Variants in MARCHF1 observed in about 807,000 individuals in gnomAD.
MARCHF1 encodes the protein membrane associated ring-CH-type finger 1.
A neutral mutation model predicts 54.2 loss-of-function variants in MARCHF1; 40 were observed. The ratio of observed to expected loss-of-function variants is 0.74; its 90% confidence interval spans 0.57 to 0.96. The LOEUF is 0.96. MARCHF1 is among the 40% of genes least tolerant of loss of function. The probability of loss-of-function intolerance (pLI) is 0.00; values close to 1 mark genes in which losing one functional copy is unlikely to be tolerated. For missense variants in MARCHF1, 586 were observed against 656.5 expected, an observed-to-expected ratio of 0.89 and a Z score of 1.17; for synonymous variants, 236 against 236.3, an observed-to-expected ratio of 1.00 and a Z score of 0.01.
intron 1 of MARCHF1, among the ~76,000 whole-genome samples, chr4:164,224,849 G>A (rs1732207413): frequency 1.3e-5 from 2 of 151,966 alleles, no homozygotes; most frequent in Non-Finnish European, 2.9e-5. Context: ...TACAAAAAAA[G>A]GAGAAAGAGA....
chr4:163,808,364 A>G (rs1748285652), intron 4 of MARCHF1, among the ~76,000 whole-genome samples: 1 of 152,222 alleles, frequency 6.6e-6, no homozygotes. Context: ...AAAGTTCTGC[A>G]GCCTGAATTT....
chr4:163,745,677 G>A (rs1183553687), intron 4 of MARCHF1, among the ~76,000 whole-genome samples: 1 of 152,106 alleles, frequency 6.6e-6, no homozygotes, highest in Non-Finnish European at 1.5e-5. Flanking sequence ...CCAACAACAT[G>A]CCATGAGATA....
At chr4:164,144,887 G>A (rs1312494242) in intron 1 of MARCHF1, among the ~76,000 whole-genome samples, 1 of 121,352 alleles carries the variant, frequency 8.2e-6, no homozygotes, top group Non-Finnish European at 1.7e-5. Context: ...CCAGGAGCTG[G>A]TTTTTTGAAA....
At chr4:163,637,078 C>A (rs1742358785) in intron 5 of MARCHF1, among the ~76,000 whole-genome samples, 1 of 151,226 alleles carries the variant, frequency 6.6e-6, no homozygotes, top group East Asian at 1.9e-4. Context: ...TTCCTTACAC[C>A]TTATACAAAA....
In MARCHF1 at chr4:164,111,846, T is replaced by C. The variant is rs576491470; in HGVS notation, c.-322-184A>G. On this transcript the variant is annotated intron_variant, in intron 1 of 9. Transcript: ENST00000514618. ...AATATTCAGATCATGTGAAATAATT[T>C]ATATAAATTTCTGTATGGTTGCAAA... Among the ~76,000 whole-genome samples the C allele has an allele frequency of 2.3e-3, 357 of 151,930 alleles. 2 individuals are homozygous for C. The highest frequency in any genetic ancestry group is 8.1e-3 in the African/African-American group (338 of 41,554).
intron 2 of MARCHF1, among the ~76,000 whole-genome samples, chr4:164,070,548 T>C (rs781092862): frequency 6.6e-6 from 1 of 152,018 alleles, no homozygotes; most frequent in Non-Finnish European, 1.5e-5. Context: ...ATGGTCTACA[T>C]TCACACCAGC....
At chr4:164,179,313 A>C (rs1408820582) in intron 1 of MARCHF1, among the ~76,000 whole-genome samples, 1 of 152,202 alleles carries the variant, frequency 6.6e-6, no homozygotes, top group Non-Finnish European at 1.5e-5. Flanking sequence ...ATTATTAAAA[A>C]ATAATAGACA....
At chr4:164,235,438 C>T (rs927624528) in intron 1 of MARCHF1, among the ~76,000 whole-genome samples, 25 of 152,134 alleles carry the variant, frequency 1.6e-4, no homozygotes, top group African/African-American at 6.0e-4. Flanking sequence ...TCTGTAAGTG[C>T]TGAGGATTCA....
chr4:163,820,804 ACTC>A (rs1748671651), intron 4 of MARCHF1, among the ~76,000 whole-genome samples: 1 of 151,510 alleles, frequency 6.6e-6, no homozygotes, highest in Non-Finnish European at 1.5e-5. Flanking sequence ...CCTAAACACT[ACTC>A]CCATGAATTC....
chr4:164,110,274 G>C (rs961466227), intron 2 of MARCHF1, among the ~76,000 whole-genome samples: 2 of 151,596 alleles, frequency 1.3e-5, no homozygotes, highest in East Asian at 1.9e-4. Flanking sequence ...TAAATGGATA[G>C]AATTTGAAAC....
At position 163,528,765 on chromosome 4, in the gene MARCHF1, C is replaced by T; in HGVS notation, c.1621G>A (p.Glu541Lys). Residue 541 changes from glutamate (E) to lysine (K), a missense_variant, in exon 10 of 10, where the codon GAA becomes AAA. Glu to Lys is a moderately conservative substitution (Grantham distance 56). This residue lies in a region of MARCHF1 where 106 missense variants were observed against 93.8 expected (regional missense o/e 1.13). Coordinates refer to ENST00000514618, the MANE Select transcript of MARCHF1 (RefSeq NM_001394959.1). ...AGGTTCCATCAGACTGATACAACTT[C>T]AGGGGGGCCACCCTCTGCAGATGGC... ...SLPSAEGGPP[E>K]VVSV 1.2e-6 allele frequency: 2 copies of T among 1,610,972 alleles called. No individual in the cohort carries two copies. The highest frequency in any genetic ancestry group is 1.7e-6 in the Non-Finnish European group (2 of 1,178,056).
intron 4 of MARCHF1, among the ~76,000 whole-genome samples, chr4:163,748,406 C>CAAAAAAAAA (rs11315071): frequency 7.8e-6 from 1 of 128,156 alleles, no homozygotes; most frequent in African/African-American, 2.8e-5. Context: ...TAATTTCTAC[C>CAAAAAAAAA]AAAAAAAAAA....
chr4:164,188,401 G>T, intron 1 of MARCHF1: 1 of 522,774 alleles, frequency 1.9e-6, no homozygotes, highest in South Asian at 2.0e-5. Flanking sequence ...TCTCCCTGGT[G>T]GCGGCGATGC....
chr4:164,270,402 T>TG (rs1367891772), intron 1 of MARCHF1, among the ~76,000 whole-genome samples: 3 of 152,188 alleles, frequency 2.0e-5, no homozygotes, highest in African/African-American at 7.2e-5. Context: ...TATCATTCCT[T>TG]GACAAACTGT....
intron 1 of MARCHF1, among the ~76,000 whole-genome samples, chr4:164,342,530 TAATAATAAA>T (rs1385139863): frequency 6.8e-6 from 1 of 147,078 alleles, no homozygotes; most frequent in Non-Finnish European, 1.5e-5. Flanking sequence ...ATAATAATAA[TAATAATAAA>T]AAAATATTTA....
At chr4:164,103,968 C>A (rs1332338082) in intron 2 of MARCHF1, among the ~76,000 whole-genome samples, 1 of 150,742 alleles carries the variant, frequency 6.6e-6, no homozygotes, top group East Asian at 1.9e-4. Flanking sequence ...AAACTACCAT[C>A]AGGGAATACT....
intron 4 of MARCHF1, among the ~76,000 whole-genome samples, chr4:163,741,629 A>T (rs1746199579): frequency 6.6e-6 from 1 of 152,072 alleles, no homozygotes. Flanking sequence ...GTGTTTAAGC[A>T]ACTGCGTGTT....
At chr4:163,656,473 G>A (rs145281210) in intron 5 of MARCHF1, among the ~76,000 whole-genome samples, 2,589 of 151,952 alleles carry the variant, frequency 0.017, 54 homozygotes, top group East Asian at 0.08. Flanking sequence ...TTCTACCAGA[G>A]GTACAAACAG....
intron 1 of MARCHF1, among the ~76,000 whole-genome samples, chr4:164,359,012 CTCT>C (rs1343383520): frequency 1.1e-4 from 17 of 151,204 alleles, no homozygotes; most frequent in Non-Finnish European, 2.4e-4. Flanking sequence ...AAAGATCTTT[CTCT>C]TATTACTCTG....
Sources: allele counts gnomAD v4.1 joint callset (sites outside exome capture counted in the v4.1 genomes callset), GRCh38; gene constraint gnomAD v4.1.1; regional missense constraint gnomAD v4.1.1; transcripts MANE v1.5; gene names NCBI Gene and HGNC (gene_info 2026-07-23, HGNC 2026-07-21).